The following AOPEP variants were observed in gnomAD, a reference collection of about 807,000 sequenced individuals.
AOPEP encodes the protein aminopeptidase O.
AOPEP carries 77 observed loss-of-function variants against 98.1 expected under a neutral mutation model. The observed-to-expected ratio is 0.78, with a 90% CI of 0.65 to 0.95. The LOEUF (loss-of-function observed/expected upper bound fraction) is 0.95, where lower values mean the gene tolerates loss of function less well. Ranked by LOEUF, AOPEP falls within the 40% of genes least tolerant of loss-of-function variation. The probability of loss-of-function intolerance (pLI) is 0.00; values close to 1 mark genes in which losing one functional copy is unlikely to be tolerated. For synonymous variants in AOPEP, 346 were observed against 365.3 expected (o/e 0.95, Z 0.60); for missense variants, 1,024 against 1,024.7 (o/e 1.00, Z 0.01).
the AOPEP span, among the ~76,000 whole-genome samples, chr9:95,122,308 C>T: frequency 2.6e-5 from 4 of 152,104 alleles, no homozygotes; most frequent in African/African-American, 9.7e-5. Flanking sequence ...AAAAGAGGGT[C>T]ACGCATCTAC....
At chr9:94,794,262 G>A (rs1846415764) in intron 4 of AOPEP, among the ~76,000 whole-genome samples, 2 of 152,188 alleles carry the variant, frequency 1.3e-5, no homozygotes, top group Admixed American at 1.3e-4. Flanking sequence ...AAGGTGCACA[G>A]CACATGCATC....
At chr9:94,863,232 C>G (rs2045281803) in intron 5 of AOPEP, among the ~76,000 whole-genome samples, 1 of 151,614 alleles carries the variant, frequency 6.6e-6, no homozygotes, top group African/African-American at 2.4e-5. Flanking sequence ...CTCTCTTCCC[C>G]TCCCCTCCCC....
At position 94,788,094 on chromosome 9, in the gene AOPEP, A is replaced by G. The variant is rs1844829047; in HGVS notation, c.965-4671A>G. On this transcript the variant is annotated intron_variant, in intron 3 of 16. Coordinates refer to ENST00000375315, the MANE Select transcript of AOPEP (RefSeq NM_001193329.3). ...TTTATATTATTATTATTTTTGACAT[A>G]GGGTCTTCCTCTGTCGCCCAGGCTG... Among the ~76,000 whole-genome samples the G allele has an allele frequency of 5.3e-5, 8 of 152,084 alleles. No homozygotes were observed. In the South Asian group the frequency reaches 1.7e-3, roughly 32 times the overall value.
chr9:94,899,610 C>T (rs1260243770), intron 5 of AOPEP, among the ~76,000 whole-genome samples: 2 of 151,480 alleles, frequency 1.3e-5, no homozygotes, highest in Non-Finnish European at 1.5e-5. Flanking sequence ...ATTAGCCAGA[C>T]GTGGCGGTGT....
At chr9:95,119,475 C>T in the AOPEP span, among the ~76,000 whole-genome samples, 1 of 151,730 alleles carries the variant, frequency 6.6e-6, no homozygotes, top group Non-Finnish European at 1.5e-5. Flanking sequence ...AAGCGATTCT[C>T]CTGCCTCAGC....
At chr9:94,811,843 A>C (rs1488575170) in intron 5 of AOPEP, among the ~76,000 whole-genome samples, 1 of 152,136 alleles carries the variant, frequency 6.6e-6, no homozygotes, top group Non-Finnish European at 1.5e-5. Context: ...CATCTCTCTG[A>C]ATTTTACCTG....
intron 11 of AOPEP, among the ~76,000 whole-genome samples, chr9:95,003,475 A>C (rs909961675): frequency 6.6e-6 from 1 of 152,232 alleles, no homozygotes; most frequent in Non-Finnish European, 1.5e-5. Context: ...GGGTAAAAGG[A>C]AGTGCCTGCC....
intron 5 of AOPEP, among the ~76,000 whole-genome samples, chr9:94,884,750 G>C (rs182033709): frequency 1.3e-5 from 2 of 152,058 alleles, no homozygotes; most frequent in African/African-American, 4.8e-5. Flanking sequence ...GGTGGCTCAC[G>C]CCTGTAATCC....
chr9:94,847,042 A>G (rs976141626), intron 5 of AOPEP, among the ~76,000 whole-genome samples: 4 of 152,080 alleles, frequency 2.6e-5, no homozygotes, highest in Admixed American at 1.3e-4. Flanking sequence ...TGATGAGCAC[A>G]CAGAAGGTTT....
At chr9:94,773,648 G>A (rs1235459765) in intron 3 of AOPEP, among the ~76,000 whole-genome samples, 2 of 152,288 alleles carry the variant, frequency 1.3e-5, no homozygotes, top group East Asian at 1.9e-4. Flanking sequence ...CTGAACCAAA[G>A]GTGTATAAGA....
chr9:94,996,375 T>TGC (rs1409365761), intron 11 of AOPEP, among the ~76,000 whole-genome samples: 2 of 151,204 alleles, frequency 1.3e-5, no homozygotes, highest in African/African-American at 4.9e-5. Flanking sequence ...TGTGTGTGTG[T>TGC]GTGTGTGTGT....
the AOPEP span, among the ~76,000 whole-genome samples, chr9:95,094,858 G>T: frequency 3.3e-5 from 5 of 152,162 alleles, no homozygotes; most frequent in South Asian, 4.1e-4. Flanking sequence ...TAGAGACGGG[G>T]TTTCACCATG....
At chr9:94,885,405 A>C (rs1244282160) in intron 5 of AOPEP, among the ~76,000 whole-genome samples, 3 of 140,844 alleles carry the variant, frequency 2.1e-5, no homozygotes, top group East Asian at 4.4e-4. Context: ...TTGTGCTAGC[A>C]TTATTATTTT....
Position 94,759,727 on chromosome 9 carries a change from G to A in AOPEP, c.-57G>A. 7.6e-7 allele frequency: 1 copy of A among 1,320,594 alleles called. No homozygotes were observed. The highest frequency in any genetic ancestry group is 1.4e-5 in the South Asian group (1 of 72,832). The allele number at this position is 1,320,594 out of a possible 1,614,324, so 81.8% of individuals were successfully genotyped here. On this transcript the variant is annotated 5_prime_UTR_variant, in exon 2 of 17. Coordinates refer to ENST00000375315, the MANE Select transcript of AOPEP (RefSeq NM_001193329.3). ...CTATTTATGATTCTGGAAGATTAAG[G>A]CAGATAGGAAACCCCATCTGAGATT...
chr9:94,853,485 A>G (rs1341390375), intron 5 of AOPEP, among the ~76,000 whole-genome samples: 1 of 152,174 alleles, frequency 6.6e-6, no homozygotes, highest in Non-Finnish European at 1.5e-5. Context: ...TCGAACAAGC[A>G]GTCCATTCAG....
Position 94,792,909 on chromosome 9 carries a change from C to G in AOPEP, c.1109C>G (p.Ala370Gly). Residue 370 changes from alanine (A) to glycine (G), a missense_variant, in exon 4 of 17, where the codon GCC becomes GGC. Physicochemically the swap from Ala to Gly is moderately conservative, Grantham distance 60. Coordinates refer to ENST00000375315, the MANE Select transcript of AOPEP (RefSeq NM_001193329.3). ...ATERPFSPSEANFRHVGVCSH... is the reference protein window; with the variant it reads ...ATERPFSPSEGNFRHVGVCSH... ...GAGAGACCCTTCTCACCTTCTGAGG[C>G]CAACTTCAGGTTTGTGTTTGGGGAC... 6.2e-7 allele frequency: 1 copy of G among 1,605,800 alleles called. No individual in the cohort carries two copies. The highest frequency in any genetic ancestry group is 1.1e-5 in the South Asian group (1 of 90,210).
Position 94,939,109 on chromosome 9 carries a change from A to G in AOPEP, c.1661+10578A>G, listed in dbSNP as rs1193951976. 1.3e-5 allele frequency among the ~76,000 whole-genome samples: 2 copies of G among 152,064 alleles called. 1 individual carries two copies. Among genetic ancestry groups the G allele is most frequent in the Non-Finnish European group, 2.9e-5 (2 of 68,014 alleles). On this transcript the variant is annotated intron_variant, in intron 7 of 16. Coordinates refer to ENST00000375315, the MANE Select transcript of AOPEP (RefSeq NM_001193329.3). ...CTAAAAATACAAAAATTAGCTGAGC[A>G]TGGTGGCAGGCGCCTGTAGTCCCAC...
At chr9:94,948,238 A>G (rs2057829446) in intron 7 of AOPEP, among the ~76,000 whole-genome samples, 1 of 151,796 alleles carries the variant, frequency 6.6e-6, no homozygotes, top group Non-Finnish European at 1.5e-5. Context: ...AAGGATCTCC[A>G]TCCAGGTTAT....
intron 5 of AOPEP, among the ~76,000 whole-genome samples, chr9:94,818,918 C>A (rs1017671750): frequency 1.3e-5 from 2 of 152,174 alleles, no homozygotes; most frequent in African/African-American, 4.8e-5. Flanking sequence ...GGCATGAACC[C>A]AGGAGGCCGG....
Sources: allele counts gnomAD v4.1 joint callset (sites outside exome capture counted in the v4.1 genomes callset), GRCh38; gene constraint gnomAD v4.1.1; transcripts MANE v1.5; gene names NCBI Gene and HGNC (gene_info 2026-07-23, HGNC 2026-07-21).